Variants in SEC63 observed in about 807,000 individuals in gnomAD.
The protein encoded by SEC63 is translocation protein SEC63 homolog.
Under a neutral mutation model 116.2 loss-of-function variants are expected in SEC63, and 56 were observed. The ratio of observed to expected loss-of-function variants is 0.48; its 90% CI spans 0.39 to 0.60. The LOEUF is 0.60. SEC63 is among the 20% of genes least tolerant of loss of function. The probability of loss-of-function intolerance (pLI) is 0.00; values close to 1 mark genes in which losing one functional copy is unlikely to be tolerated. For synonymous variants in SEC63, 273 were observed against 294.6 expected, an observed-to-expected ratio of 0.93 and a Z score of 0.75; for missense variants, 668 against 900.0, an observed-to-expected ratio of 0.74 and a Z score of 3.30.
At position 107,881,066 on chromosome 6, in the gene SEC63, G is replaced by A. The variant is rs188007256; in HGVS notation, c.1935+83C>T. 25 of 977,502 alleles carry A rather than the reference G, an allele frequency of 2.6e-5. No individual in the cohort carries two copies. In the East Asian group the frequency reaches 3.4e-4, roughly 13 times the overall value. 60.6% of individuals were successfully genotyped at this position (977,502 alleles called of 1,614,324 possible). ...TTAGCACATATGAACTAATACACACGACAGAGGGCTAAAAGTCAACTGACA... is the reference window on the plus strand; with the variant it reads ...TTAGCACATATGAACTAATACACACAACAGAGGGCTAAAAGTCAACTGACA... On this transcript the variant is annotated intron_variant, in intron 18 of 20. Transcript: ENST00000369002.
At chr6:107,942,612 G>A (rs1356600100) in intron 1 of SEC63, among the ~76,000 whole-genome samples, 2 of 152,158 alleles carry the variant, frequency 1.3e-5, no homozygotes, top group East Asian at 1.9e-4. Context: ...CTTGAACAAC[G>A]TTGGGGTTAG....
intron 16 of SEC63, among the ~76,000 whole-genome samples, chr6:107,891,088 T>C (rs1364358850): frequency 1.3e-5 from 2 of 152,198 alleles, no homozygotes; most frequent in Non-Finnish European, 2.9e-5. Flanking sequence ...TGGTGTTCTC[T>C]GTATTTCCTG....
intron 8 of SEC63, among the ~76,000 whole-genome samples, chr6:107,906,978 C>A (rs917438906): frequency 4.6e-5 from 7 of 152,146 alleles, no homozygotes; most frequent in African/African-American, 1.7e-4. Context: ...ACAGTATCAA[C>A]CACCACAAGT....
At position 107,948,435 on chromosome 6, in the gene SEC63, T is replaced by C. The variant is rs534828022; in HGVS notation, c.124+9451A>G. Among the ~76,000 whole-genome samples, 8 of 152,218 alleles carry C rather than the reference T, an allele frequency of 5.3e-5. 1 individual carries two copies. Among genetic ancestry groups the C allele is most frequent in the African/African-American group, 1.9e-4 (8 of 41,534 alleles). Reference sequence around the variant, plus strand: ...ATCTAGCTCAAAGTGCTACCGTGAGTGCATTCCGCACTACCCACCTTCAGG... The same window carrying C: ...ATCTAGCTCAAAGTGCTACCGTGAGCGCATTCCGCACTACCCACCTTCAGG... On this transcript the variant is annotated intron_variant, in intron 1 of 20. Transcript: ENST00000369002.
In SEC63 at chr6:107,902,833, C is replaced by G; in HGVS notation, c.1209+11G>C. ...CTGCTGAAAACTGACTTTAAAGTAG[C>G]AAAGAATTACCTTCTTATGATTAGA... On this transcript the variant is annotated intron_variant, in intron 12 of 20. Coordinates refer to ENST00000369002, the MANE Select transcript of SEC63 (RefSeq NM_007214.5). The G allele has an allele frequency of 6.2e-7, 1 of 1,612,992 alleles. No individual in the cohort carries two copies. The highest frequency in any genetic ancestry group is 8.5e-7 in the Non-Finnish European group (1 of 1,179,190).
chr6:107,899,046 G>A (rs979311706), intron 13 of SEC63, among the ~76,000 whole-genome samples: 2 of 152,080 alleles, frequency 1.3e-5, no homozygotes, highest in Non-Finnish European at 2.9e-5. Context: ...TTTTCATTTT[G>A]CACAGCTGTA....
At chr6:107,914,017 A>T (rs1365448837) in intron 4 of SEC63, among the ~76,000 whole-genome samples, 1 of 152,190 alleles carries the variant, frequency 6.6e-6, no homozygotes, top group Non-Finnish European at 1.5e-5. Flanking sequence ...TGCCAGAAGA[A>T]CCAGGAAAAT....
chr6:107,913,657 G>A (rs897434197), intron 4 of SEC63, among the ~76,000 whole-genome samples: 1 of 152,138 alleles, frequency 6.6e-6, no homozygotes, highest in Non-Finnish European at 1.5e-5. Context: ...GTTGGCCCAT[G>A]GTTCTCAAGC....
Position 107,958,018 on chromosome 6 carries a change from C to T in SEC63, c.-9G>A, listed in dbSNP as rs377251668. ...AACTGCTGCCCGGCCATGGCACCCC[C>T]TCCTCCGCCTCGCTCTTCTCACCGC... is the stretch of plus-strand genomic sequence containing the variant. On this transcript the variant is annotated 5_prime_UTR_variant, in exon 1 of 21. Transcript: ENST00000369002. 7 of 1,613,034 alleles carry T rather than the reference C, an allele frequency of 4.3e-6. No homozygotes were observed. The highest frequency in any genetic ancestry group is 5.1e-6 in the Non-Finnish European group (6 of 1,179,344).
intron 13 of SEC63, among the ~76,000 whole-genome samples, chr6:107,900,123 T>C (rs1005796446): frequency 4.6e-5 from 7 of 152,170 alleles, no homozygotes; most frequent in Non-Finnish European, 8.8e-5. Flanking sequence ...GTCTGTGTCA[T>C]TCACGTTAAC....
At chr6:107,901,115 G>C (rs1786990043) in intron 13 of SEC63, among the ~76,000 whole-genome samples, 1 of 152,172 alleles carries the variant, frequency 6.6e-6, no homozygotes, top group Non-Finnish European at 1.5e-5. Context: ...ATTGCTAAAA[G>C]TTGAACTACA....
At chr6:107,940,733 G>C (rs922587167) in intron 1 of SEC63, among the ~76,000 whole-genome samples, 2 of 150,940 alleles carry the variant, frequency 1.3e-5, no homozygotes, top group African/African-American at 4.9e-5. Context: ...GGAAAAGTTG[G>C]CAGAATAAAT....
At chr6:107,896,056 C>T (rs1786810861) in intron 14 of SEC63, among the ~76,000 whole-genome samples, 1 of 151,942 alleles carries the variant, frequency 6.6e-6, no homozygotes, top group Non-Finnish European at 1.5e-5. Flanking sequence ...GTCCCAGCTA[C>T]TCAGGAGGCT....
chr6:107,938,896 C>T (rs1770313110), intron 1 of SEC63, among the ~76,000 whole-genome samples: 1 of 152,188 alleles, frequency 6.6e-6, no homozygotes, highest in Non-Finnish European at 1.5e-5. Flanking sequence ...CCGAAATATG[C>T]TTCTTAAAAT....
chr6:107,953,208 C>T (rs1035250418), intron 1 of SEC63, among the ~76,000 whole-genome samples: 21 of 152,170 alleles, frequency 1.4e-4, no homozygotes, highest in African/African-American at 4.3e-4. Context: ...TGCAGTGAGC[C>T]GAGATCACGC....
At position 107,871,684 on chromosome 6, in the gene SEC63, T is replaced by C. The variant is rs1786137056; in HGVS notation, c.*20A>G. On this transcript the variant is annotated 3_prime_UTR_variant, in exon 21 of 21. Coordinates refer to ENST00000369002, the MANE Select transcript of SEC63 (RefSeq NM_007214.5). ...AAATTGCAAATATGTGCAAACACTG[T>C]GGTCCATTCAGAGTACTGCTTAGTC... The C allele has an allele frequency of 1.2e-6, 2 of 1,611,308 alleles. No individual in the cohort carries two copies. The highest frequency in any genetic ancestry group is 1.1e-5 in the South Asian group (1 of 90,974).
intron 1 of SEC63, chr6:107,954,482 C>CAAAAAAAAAAAAAAAAAAAACCA (rs4028832): frequency 8.6e-6 from 1 of 116,866 alleles, no homozygotes; most frequent in African/African-American, 3.4e-5. Flanking sequence ...AAAAAAAAAT[C>CAAAAAAAAAAAAAAAAAAAACCA]AAAAAAAAAA....
At chr6:107,934,137 C>A (rs575139630) in intron 1 of SEC63, among the ~76,000 whole-genome samples, 4 of 152,140 alleles carry the variant, frequency 2.6e-5, no homozygotes, top group East Asian at 1.9e-4. Flanking sequence ...TCTGCCCCGC[C>A]GCCACCCCGT....
chr6:107,921,756 T>C, intron 4 of SEC63, 41 bp downstream of exon 4: 1 of 1,261,916 alleles, frequency 7.9e-7, no homozygotes, highest in Non-Finnish European at 1.2e-6. Flanking sequence ...CTGGCTTATC[T>C]GTACCATTCT....
Sources: gnomAD v4.1 joint callset for allele counts (sites outside exome capture counted in the v4.1 genomes callset) on GRCh38, gnomAD v4.1.1 for gene constraint, MANE v1.5 for transcripts, NCBI Gene and HGNC (gene_info 2026-07-23, HGNC 2026-07-21) for gene names.